Variants in CALN1 observed in about 807,000 individuals in gnomAD.
CALN1 encodes calneuron 1, also known as calcium-binding protein 8.
A neutral mutation model predicts 30.6 loss-of-function variants in CALN1; 17 were observed. The observed-to-expected ratio is 0.56, with a 90% CI of 0.38 to 0.83. CALN1 has a LOEUF of 0.83. Among genes scored for constraint, CALN1 ranks in the 40% least tolerant of loss-of-function variants. CALN1 has a pLI of 0.00. For synonymous variants in CALN1, 156 were observed against 131.4 expected, an observed-to-expected ratio of 1.19 and a Z score of -1.28; for missense variants, 291 against 354.9, an observed-to-expected ratio of 0.82 and a Z score of 1.45.
chr7:72,481,860 C>T, the CALN1 span, among the ~76,000 whole-genome samples: 7 of 152,102 alleles, frequency 4.6e-5, no homozygotes, highest in Non-Finnish European at 1.0e-4. Flanking sequence ...TATACTTTGA[C>T]ATTTGAGACT....
At chr7:71,970,343 A>G (rs1283801205) in intron 5 of CALN1, among the ~76,000 whole-genome samples, 2 of 152,202 alleles carry the variant, frequency 1.3e-5, no homozygotes, top group Non-Finnish European at 2.9e-5. Context: ...ATCCTGCGAG[A>G]AAACAGTACC....
chr7:71,845,859 G>C (rs1156455769), intron 5 of CALN1, among the ~76,000 whole-genome samples: 1 of 152,098 alleles, frequency 6.6e-6, no homozygotes, highest in East Asian at 1.9e-4. Flanking sequence ...TTTGAGACCA[G>C]CTTGGCCAAC....
chr7:72,315,872 G>A (rs183348893), intron 2 of CALN1, among the ~76,000 whole-genome samples: 9 of 152,128 alleles, frequency 5.9e-5, no homozygotes, highest in East Asian at 1.9e-4. Flanking sequence ...TTCTCCGGCC[G>A]GGCGCGAATC....
chr7:71,931,134 T>C (rs894208228), intron 5 of CALN1, among the ~76,000 whole-genome samples: 1 of 152,246 alleles, frequency 6.6e-6, no homozygotes, highest in Non-Finnish European at 1.5e-5. Context: ...GTTTTTCTTT[T>C]TGAAATGTGG....
upstream of CALN1, among the ~76,000 whole-genome samples, chr7:72,451,338 A>G (rs1356533264): frequency 3.6e-5 from 5 of 139,654 alleles, no homozygotes; most frequent in African/African-American, 1.3e-4. Context: ...AAGAAAGAGG[A>G]GGAGGGAGAA....
intron 3 of CALN1, among the ~76,000 whole-genome samples, chr7:72,273,050 A>T (rs1342257428): frequency 6.6e-6 from 1 of 151,850 alleles, no homozygotes; most frequent in Non-Finnish European, 1.5e-5. Context: ...AACCACCGAG[A>T]CCCCCACCTC....
intron 3 of CALN1, among the ~76,000 whole-genome samples, chr7:72,184,220 G>C (rs1790025463): frequency 6.6e-6 from 1 of 152,140 alleles, no homozygotes; most frequent in Admixed American, 6.5e-5. Flanking sequence ...GACATATCTG[G>C]AGCCATTATC....
intron 5 of CALN1, among the ~76,000 whole-genome samples, chr7:71,859,291 G>C (rs1441343776): frequency 6.6e-6 from 1 of 152,120 alleles, no homozygotes; most frequent in Non-Finnish European, 1.5e-5. Context: ...TCCAACTCCT[G>C]ACCTCAAGCA....
At chr7:72,454,874 A>C in the CALN1 span, among the ~76,000 whole-genome samples, 43,255 of 149,302 alleles carry the variant, frequency 0.29, 7,423 homozygotes, top group African/African-American at 0.47. Flanking sequence ...TCTTATTGCC[A>C]AGGCTGGAGT....
chr7:72,186,559 G>A (rs1334789665), intron 3 of CALN1, among the ~76,000 whole-genome samples: 2 of 152,104 alleles, frequency 1.3e-5, no homozygotes, highest in East Asian at 3.9e-4. Flanking sequence ...TAGCTTTTCA[G>A]CCCTTGCCTC....
At chr7:72,321,736 G>A (rs2944829) in intron 2 of CALN1, among the ~76,000 whole-genome samples, 48,902 of 152,022 alleles carry the variant, frequency 0.32, 9,596 homozygotes, top group Middle Eastern at 0.51. Context: ...TGCCTTTAAC[G>A]TGACTATACC....
chr7:71,957,012 T>A (rs1255957181), intron 5 of CALN1, among the ~76,000 whole-genome samples: 1 of 152,096 alleles, frequency 6.6e-6, no homozygotes, highest in Non-Finnish European at 1.5e-5. Context: ...ACTTTATTTT[T>A]TTGATAGTCA....
At chr7:71,930,611 G>A (rs1276264146) in intron 5 of CALN1, among the ~76,000 whole-genome samples, 2 of 152,074 alleles carry the variant, frequency 1.3e-5, no homozygotes, top group African/African-American at 4.8e-5. Flanking sequence ...TTGGTCCCTT[G>A]TGCTTTATGA....
chr7:71,823,590 C>T (rs757599549), intron 5 of CALN1, among the ~76,000 whole-genome samples: 36 of 152,086 alleles, frequency 2.4e-4, no homozygotes, highest in East Asian at 9.7e-4. Context: ...TGGTGGCAGG[C>T]GCCTGTAGTC....
intron 2 of CALN1, among the ~76,000 whole-genome samples, chr7:72,345,597 CAAGG>C (rs965300679): frequency 1.3e-5 from 2 of 151,300 alleles, no homozygotes; most frequent in African/African-American, 4.9e-5. Context: ...GAAGAAAAAG[CAAGG>C]GAGGAAGGAA....
intron 5 of CALN1, among the ~76,000 whole-genome samples, chr7:71,968,918 A>T (rs992599007): frequency 2.7e-5 from 4 of 149,516 alleles, no homozygotes; most frequent in African/African-American, 9.9e-5. Flanking sequence ...TTATAGTGGC[A>T]CTCACCTGTA....
In CALN1 at chr7:72,140,341, AG is replaced by A. The variant is rs1358229076; in HGVS notation, c.245-34048del. Among the ~76,000 whole-genome samples, 27 of 10,110 alleles carry A rather than the reference AG, an allele frequency of 2.7e-3. No individual in the cohort carries two copies. In the African/African-American group the frequency reaches 0.043, roughly 16 times the overall value. The allele number at this position is 10,110 out of a possible 152,430, so 6.6% of individuals were successfully genotyped here. A position where few individuals can be genotyped will look rare whatever the true frequency, so the allele number is the denominator to read the frequency against. ...GAACAGAGAAAGGGAGAAGGAAGGA[AG>A]GGAGGGAGGGAGGGAGGGAGGGAGG... On this transcript the variant is annotated intron_variant, in intron 3 of 6. Transcript: ENST00000395275.
the CALN1 span, among the ~76,000 whole-genome samples, chr7:72,467,045 T>C: frequency 6.6e-6 from 1 of 152,106 alleles, no homozygotes; most frequent in East Asian, 1.9e-4. Context: ...ATCAGAAGCC[T>C]GTTCCTGGAC....
chr7:72,364,935 C>T (rs1277897410), intron 2 of CALN1, among the ~76,000 whole-genome samples: 4 of 151,576 alleles, frequency 2.6e-5, no homozygotes, highest in African/African-American at 4.9e-5. Flanking sequence ...TCTGGGAGGC[C>T]AAGGCAGGCG....
Sources: allele counts gnomAD v4.1 joint callset (sites outside exome capture counted in the v4.1 genomes callset), GRCh38; gene constraint gnomAD v4.1.1; transcripts MANE v1.5; gene names NCBI Gene and HGNC (gene_info 2026-07-23, HGNC 2026-07-21).